The following ATP9B variants were observed in gnomAD, a reference collection of about 807,000 sequenced individuals.
The protein encoded by ATP9B is ATPase phospholipid transporting 9B.
ATP9B carries 110 observed loss-of-function variants against 146.1 expected under a neutral mutation model. The observed-to-expected ratio is 0.75, with a 90% CI of 0.65 to 0.88. The LOEUF (loss-of-function observed/expected upper bound fraction) is 0.88. Ranked by LOEUF, ATP9B falls within the 40% of genes least tolerant of loss-of-function variation. ATP9B has a pLI of 0.00. For synonymous variants in ATP9B, 604 were observed against 569.7 expected, an observed-to-expected ratio of 1.06 and a Z score of -0.86; for missense variants, 1,499 against 1,496.4, an observed-to-expected ratio of 1.00 and a Z score of -0.03.
At chr18:79,229,170 TA>T (rs2095764841) in intron 11 of ATP9B, among the ~76,000 whole-genome samples, 2 of 152,200 alleles carry the variant, frequency 1.3e-5, no homozygotes, top group Admixed American at 6.5e-5. Flanking sequence ...ATACTGTTGA[TA>T]ACTCACACTA....
chr18:79,245,041 C>A (rs1367401678), intron 11 of ATP9B, among the ~76,000 whole-genome samples: 2 of 152,170 alleles, frequency 1.3e-5, no homozygotes, highest in Non-Finnish European at 2.9e-5. Flanking sequence ...AACTCCTGGG[C>A]TCCTAGGGAC....
chr18:79,249,784 G>A (rs2144976628), intron 11 of ATP9B, among the ~76,000 whole-genome samples: 1 of 152,106 alleles, frequency 6.6e-6, no homozygotes, highest in South Asian at 2.1e-4. Flanking sequence ...AATTGAAGTG[G>A]GTTAAAAAAA....
At chr18:79,099,059 T>C (rs919030238) in intron 2 of ATP9B, among the ~76,000 whole-genome samples, 5 of 152,326 alleles carry the variant, frequency 3.3e-5, no homozygotes, top group African/African-American at 4.8e-5. Context: ...TTCTCTCTTA[T>C]TTTGTTTGAC....
chr18:79,210,084 G>A (rs1379037817), intron 10 of ATP9B, among the ~76,000 whole-genome samples: 1 of 152,156 alleles, frequency 6.6e-6, no homozygotes, highest in Non-Finnish European at 1.5e-5. Context: ...ACACAGACAG[G>A]CAGATGCAGC....
intron 7 of ATP9B, among the ~76,000 whole-genome samples, chr18:79,161,925 A>C (rs2094888834): frequency 6.6e-6 from 1 of 152,198 alleles, no homozygotes; most frequent in Admixed American, 6.5e-5. Flanking sequence ...AGCTATATAA[A>C]ATTTGTGTTA....
At position 79,372,643 on chromosome 18, in the gene ATP9B, T is replaced by C. The variant is rs1304304466; in HGVS notation, c.3013-182T>C. ...TGGACACGTGTGGGACCCAGGCAGC[T>C]TCTTCAGGATTCGGGTGTCAGGAAA... On this transcript the variant is annotated intron_variant, in intron 26 of 29. Transcript: ENST00000426216. The C allele has an allele frequency of 1.3e-5, 9 of 677,450 alleles. No homozygotes were observed. The African/African-American group carries it at 1.6e-4, about 12-fold the overall frequency. 42.0% of individuals were successfully genotyped at this position (677,450 alleles called of 1,614,324 possible).
chr18:79,133,508 AACACAC>A (rs370697424), intron 5 of ATP9B, among the ~76,000 whole-genome samples: 123 of 147,888 alleles, frequency 8.3e-4, no homozygotes, highest in African/African-American at 2.7e-3. Context: ...AGTGGTTATA[AACACAC>A]ACACACACAC....
intron 23 of ATP9B, among the ~76,000 whole-genome samples, chr18:79,346,577 CTCAGCGCACAG>C (rs1484395013): frequency 1.8e-5 from 2 of 113,880 alleles, no homozygotes; most frequent in Admixed American, 1.9e-4. Context: ...TCAGCACGTG[CTCAGCGCACAG>C]TCAGCACACA....
rs534546372 is a variant in ATP9B, at chr18:79,336,212, C to T, written c.2029-416C>T. ...CGCTCCCCTCGCCTGTCCCCAGCAC[C>T]GCCATGTGCACCCTCCGTGTGTTCT... On this transcript the variant is annotated intron_variant, in intron 17 of 29. Coordinates refer to ENST00000426216, the MANE Select transcript of ATP9B (RefSeq NM_198531.5). Among the ~76,000 whole-genome samples the T allele has an allele frequency of 7.9e-5, 11 of 139,512 alleles. 3 individuals carry two copies. The highest frequency in any genetic ancestry group is 6.4e-4 in the East Asian group (3 of 4,662). The allele number at this position is 139,512 out of a possible 152,430, so 91.5% of individuals were successfully genotyped here.
chr18:79,087,621 C>G (rs1321239281), intron 1 of ATP9B: 1 of 152,130 alleles, frequency 6.6e-6, no homozygotes, highest in East Asian at 1.9e-4. Context: ...CAGTTGTCTT[C>G]TAAGAAGTGT....
At position 79,187,630 on chromosome 18, in the gene ATP9B, T is replaced by C. The variant is rs555842755; in HGVS notation, c.874-5553T>C. Reference sequence around the variant, plus strand: ...ATTTTGTTTCCCGTTGAGTGTCTGATTCCCCCTGTGCTGCTGCTGAATGGA... The same window carrying C: ...ATTTTGTTTCCCGTTGAGTGTCTGACTCCCCCTGTGCTGCTGCTGAATGGA... On this transcript the variant is annotated intron_variant, in intron 8 of 29. Coordinates refer to ENST00000426216, the MANE Select transcript of ATP9B (RefSeq NM_198531.5). Among the ~76,000 whole-genome samples, 4 of 152,334 alleles carry C rather than the reference T, an allele frequency of 2.6e-5. No individual in the cohort carries two copies. The East Asian group carries it at 7.7e-4, about 29-fold the overall frequency.
intron 4 of ATP9B, among the ~76,000 whole-genome samples, chr18:79,118,406 T>G (rs982855039): frequency 3.7e-5 from 5 of 135,326 alleles, no homozygotes; most frequent in East Asian, 2.1e-4. Flanking sequence ...TTTTTTTTTT[T>G]TTTTTTTTTT....
intron 9 of ATP9B, among the ~76,000 whole-genome samples, chr18:79,196,480 G>A (rs1035537316): frequency 6.6e-6 from 1 of 152,178 alleles, no homozygotes; most frequent in Admixed American, 6.5e-5. Context: ...GGAGAAAATA[G>A]AAGGAGCTCA....
intron 25 of ATP9B, among the ~76,000 whole-genome samples, chr18:79,351,377 G>A (rs1568792146): frequency 6.6e-6 from 1 of 152,176 alleles, no homozygotes; most frequent in Non-Finnish European, 1.5e-5. Flanking sequence ...GTAACTCTGA[G>A]TGTCCGTCAC....
chr18:79,272,319 C>A (rs1599467336), intron 12 of ATP9B, among the ~76,000 whole-genome samples: 3 of 152,166 alleles, frequency 2.0e-5, no homozygotes, highest in African/African-American at 4.8e-5. Context: ...TTTGTTCCAG[C>A]GGCACAGCAT....
rs752788043 is a variant in ATP9B, at chr18:79,118,390, G to GTTTT, written c.558+5061_558+5064dup. On this transcript the variant is annotated intron_variant, in intron 4 of 29. Transcript: ENST00000426216. ...AAACACAATCATATTGAACGTTTTT[G>GTTTT]TTTTTTTTTTTTTTTTTTTTTTTTT... Among the ~76,000 whole-genome samples the GTTTT allele has an allele frequency of 7.2e-4, 67 of 93,264 alleles. 1 individual carries two copies. The highest frequency in any genetic ancestry group is 2.2e-3 in the East Asian group (7 of 3,192). 61.2% of individuals were successfully genotyped at this position (93,264 alleles called of 152,430 possible). A position where few individuals can be genotyped will look rare whatever the true frequency, so the allele number is the denominator to read the frequency against.
At chr18:79,156,180 C>T (rs1162100961) in intron 7 of ATP9B, among the ~76,000 whole-genome samples, 2 of 152,128 alleles carry the variant, frequency 1.3e-5, no homozygotes, top group Non-Finnish European at 2.9e-5. Flanking sequence ...ATACTTGATA[C>T]GTTTATTATG....
chr18:79,136,091 G>A (rs1251628981), intron 5 of ATP9B, among the ~76,000 whole-genome samples: 2 of 152,028 alleles, frequency 1.3e-5, no homozygotes, highest in Non-Finnish European at 2.9e-5. Context: ...GAAATACAAA[G>A]GGCCTACATC....
chr18:79,140,433 A>G lies in ATP9B; in HGVS notation c.668-3369A>G, dbSNP rs539549111. ...ACACGGGCAGAAATTAATGACTGGT[A>G]GTGGGGTTGGTGGGCAGGTTATATG... is the stretch of plus-strand genomic sequence containing the variant. On this transcript the variant is annotated intron_variant, in intron 5 of 29. Transcript: ENST00000426216. Among the ~76,000 whole-genome samples the G allele has an allele frequency of 2.0e-5, 3 of 152,154 alleles. No individual in the cohort carries two copies. The South Asian group carries it at 6.2e-4, about 32-fold the overall frequency.
Sources: allele counts gnomAD v4.1 joint callset (sites outside exome capture counted in the v4.1 genomes callset), GRCh38; gene constraint gnomAD v4.1.1; transcripts MANE v1.5; gene names NCBI Gene and HGNC (gene_info 2026-07-23, HGNC 2026-07-21).